The following TSPAN8 variants were observed in gnomAD, a reference collection of about 807,000 sequenced individuals.
TSPAN8 encodes the protein tetraspanin 8, also known as tetraspanin-8.
In TSPAN8, 21 loss-of-function variants were observed where a neutral mutation model predicts 32.8. The observed-to-expected ratio is 0.64, with a 90% CI of 0.45 to 0.92. TSPAN8 has a LOEUF of 0.92. TSPAN8 is among the 40% of genes least tolerant of loss of function. The pLI is 0.00. For missense variants in TSPAN8, 269 were observed against 281.9 expected, an observed-to-expected ratio of 0.95 and a Z score of 0.33; for synonymous variants, 95 against 94.6, an observed-to-expected ratio of 1.00 and a Z score of -0.03.
chr12:71,125,762 C>T (rs901552607), intron 8 of TSPAN8, among the ~76,000 whole-genome samples: 11 of 152,076 alleles, frequency 7.2e-5, no homozygotes, highest in African/African-American at 1.4e-4. Context: ...GCTAAATATA[C>T]GTAATGCTTC....
At chr12:71,133,571 G>C (rs1871587508) in intron 6 of TSPAN8, among the ~76,000 whole-genome samples, 1 of 152,104 alleles carries the variant, frequency 6.6e-6, no homozygotes, top group Non-Finnish European at 1.5e-5. Flanking sequence ...AAAAAAATGA[G>C]AGATATTGCA....
intron 3 of TSPAN8, among the ~76,000 whole-genome samples, chr12:71,141,014 G>C (rs1324956799): frequency 1.3e-5 from 2 of 152,200 alleles, no homozygotes; most frequent in East Asian, 3.9e-4. Context: ...TTGCCTAGAG[G>C]AAACTTTTAT....
intron 6 of TSPAN8, among the ~76,000 whole-genome samples, chr12:71,137,313 G>C (rs1871731450): frequency 6.6e-6 from 1 of 151,908 alleles, no homozygotes; most frequent in Non-Finnish European, 1.5e-5. Context: ...AAAGAAGAGA[G>C]AGAGGCCATG....
Position 71,157,986 on chromosome 12 carries a change from G to T in TSPAN8, c.-166C>A, listed in dbSNP as rs1182508913. ...CAAGTATGTTCCTTTGCTTGTCATA[G>T]CTCCTGGGGCACTGGGCCAGGATAT... On this transcript the variant is annotated 5_prime_UTR_variant, in exon 1 of 9. Transcript: ENST00000247829. The T allele has an allele frequency of 3.1e-5, 10 of 318,824 alleles. No homozygotes were observed. The highest frequency in any genetic ancestry group is 5.8e-6 in the Non-Finnish European group (1 of 171,986). 19.7% of individuals were successfully genotyped at this position (318,824 alleles called of 1,614,324 possible).
chr12:71,139,228 A>G, intron 4 of TSPAN8: 2 of 457,740 alleles, frequency 4.4e-6, no homozygotes, highest in East Asian at 1.4e-4. Flanking sequence ...TCAGTTCCCA[A>G]ACACACCAGC....
At chr12:71,148,741 TG>T (rs1479003897) in intron 2 of TSPAN8, among the ~76,000 whole-genome samples, 3 of 152,250 alleles carry the variant, frequency 2.0e-5, no homozygotes. Context: ...TGGGATTCTA[TG>T]TCACTGTCTT....
chr12:71,139,823 G>C lies in TSPAN8; in HGVS notation c.149C>G (p.Ser50Cys). Residue 50 changes from serine to cysteine, a missense_variant, in exon 4 of 9, where the codon TCT becomes TGT. Transcript: ENST00000247829. ...TATGTCCACAGCAACGTAGGAGCTA[G>C]AGCCTACATCTTCAGAACCAAAAAT... ...QAIFGSEDVG[S>C]SSYVAVDILI... The C allele has an allele frequency of 6.2e-7, 1 of 1,612,810 alleles. No homozygotes were observed. Among genetic ancestry groups the C allele is most frequent in the Middle Eastern group, 1.7e-4 (1 of 6,048 alleles).
At chr12:71,153,102 T>A (rs1357539207) in intron 2 of TSPAN8, among the ~76,000 whole-genome samples, 1 of 152,144 alleles carries the variant, frequency 6.6e-6, no homozygotes, top group East Asian at 1.9e-4. Context: ...TAGCTCTCTG[T>A]CTCTGGTCAT....
At position 71,157,695 on chromosome 12, in the gene TSPAN8, G is replaced by A. The variant is rs766075138; in HGVS notation, c.-17C>T. 172 of 1,602,970 alleles carry A rather than the reference G, an allele frequency of 1.1e-4. 5 individuals carry two copies. In the South Asian group the frequency reaches 1.9e-3, roughly 18 times the overall value. Reference sequence around the variant, plus strand: ...ACCTGCCATTTCGGAAAAGGATTAGGAATCCAGATGCCGTGAATTTAACTA... The same window carrying A: ...ACCTGCCATTTCGGAAAAGGATTAGAAATCCAGATGCCGTGAATTTAACTA... On this transcript the variant is annotated 5_prime_UTR_variant, in exon 2 of 9. Transcript: ENST00000247829.
At chr12:71,142,088 T>G (rs999923030) in intron 3 of TSPAN8, among the ~76,000 whole-genome samples, 23 of 152,196 alleles carry the variant, frequency 1.5e-4, no homozygotes, top group African/African-American at 5.3e-4. Context: ...CCTCTGTTTT[T>G]TCACTAACAA....
chr12:71,135,819 T>C (rs992136040), intron 6 of TSPAN8, among the ~76,000 whole-genome samples: 3 of 151,990 alleles, frequency 2.0e-5, no homozygotes, highest in African/African-American at 7.3e-5. Context: ...CTGGGAAGGG[T>C]CTGGGATGCT....
intron 6 of TSPAN8, among the ~76,000 whole-genome samples, chr12:71,134,318 T>C (rs1871612578): frequency 6.6e-6 from 1 of 152,224 alleles, no homozygotes; most frequent in African/African-American, 2.4e-5. Flanking sequence ...AGCATTGTTA[T>C]CAATGATTTG....
intron 2 of TSPAN8, among the ~76,000 whole-genome samples, chr12:71,156,563 A>G (rs979929396): frequency 1.3e-5 from 2 of 152,102 alleles, no homozygotes; most frequent in Non-Finnish European, 2.9e-5. Flanking sequence ...ACTCATTAGC[A>G]CTACTGATCA....
At chr12:71,155,081 A>G (rs188612321) in intron 2 of TSPAN8, among the ~76,000 whole-genome samples, 74 of 152,368 alleles carry the variant, frequency 4.9e-4, no homozygotes, top group South Asian at 3.3e-3. Context: ...TCTGGTAAGT[A>G]AAGAGTGAGA....
chr12:71,156,274 A>C (rs1422764781), intron 2 of TSPAN8, among the ~76,000 whole-genome samples: 11 of 42,248 alleles, frequency 2.6e-4, no homozygotes, highest in Admixed American at 1.8e-3. Context: ...AAAAACAAAC[A>C]AAAAAAAAAC....
chr12:71,140,279 CATT>C (rs1256425044), intron 3 of TSPAN8, among the ~76,000 whole-genome samples: 2 of 152,052 alleles, frequency 1.3e-5, no homozygotes, highest in African/African-American at 2.4e-5. Context: ...ATTTCAGAGT[CATT>C]ATGCTGAGCT....
intron 3 of TSPAN8, among the ~76,000 whole-genome samples, chr12:71,141,335 T>C (rs1381545810): frequency 1.3e-5 from 2 of 152,186 alleles, no homozygotes; most frequent in Admixed American, 1.3e-4. Flanking sequence ...AAAAAATCAG[T>C]TTTGTTAATA....
intron 7 of TSPAN8, among the ~76,000 whole-genome samples, chr12:71,130,875 T>C (rs1187982128): frequency 2.0e-5 from 3 of 152,242 alleles, no homozygotes; most frequent in African/African-American, 7.2e-5. Flanking sequence ...CCATTCCATA[T>C]TTTTTATTTT....
intron 7 of TSPAN8, among the ~76,000 whole-genome samples, chr12:71,129,617 A>C (rs1015212720): frequency 6.6e-6 from 1 of 152,200 alleles, no homozygotes; most frequent in African/African-American, 2.4e-5. Context: ...ATACATTGAA[A>C]AGCAATTGAG....
Sources: gnomAD v4.1 joint callset for allele counts (sites outside exome capture counted in the v4.1 genomes callset) on GRCh38, gnomAD v4.1.1 for gene constraint, MANE v1.5 for transcripts, NCBI Gene and HGNC (gene_info 2026-07-23, HGNC 2026-07-21) for gene names.